The following PITPNA variants were observed in gnomAD, a reference collection of about 807,000 sequenced individuals.
The protein encoded by PITPNA is phosphatidylinositol transfer protein alpha isoform.
PITPNA carries 13 observed loss-of-function variants against 50.3 expected under a neutral mutation model. The observed-to-expected ratio is 0.26, with a 90% CI of 0.17 to 0.41. The LOEUF (loss-of-function observed/expected upper bound fraction) is 0.41, where lower values mean the gene tolerates loss of function less well. Ranked by LOEUF, PITPNA falls within the 10% of genes least tolerant of loss-of-function variation. PITPNA has a pLI of 1.00. For synonymous variants in PITPNA, 120 were observed against 119.6 expected (o/e 1.00, Z -0.02); for missense variants, 207 against 333.4 (o/e 0.62, Z 2.95).
At chr17:1,529,374 T>C (rs2075567939) in intron 10 of PITPNA, among the ~76,000 whole-genome samples, 1 of 151,228 alleles carries the variant, frequency 6.6e-6, no homozygotes, top group South Asian at 2.1e-4. Flanking sequence ...AATAGAAAAT[T>C]AGTGGCGTGT....
chr17:1,526,074 G>A (rs903342564), intron 10 of PITPNA, among the ~76,000 whole-genome samples: 1 of 152,178 alleles, frequency 6.6e-6, no homozygotes, highest in Non-Finnish European at 1.5e-5. Context: ...ACAGGGTCAT[G>A]AAAAAACAAG....
rs1450431791 is a variant in PITPNA at position 1,562,741 on chromosome 17, C to G, written c.-181G>C. The G allele has an allele frequency of 4.8e-6, 1 of 207,682 alleles. No homozygotes were observed. The highest frequency in any genetic ancestry group is 2.4e-5 in the African/African-American group (1 of 42,186). The allele number at this position is 207,682 out of a possible 1,614,324, so 12.9% of individuals were successfully genotyped here. A position where few individuals can be genotyped will look rare whatever the true frequency, so the allele number is the denominator to read the frequency against. ...GCTCCTGCCGCCCGGGCCTCGTCGC[C>G]TCTCGCGCCGCTGCCGACGCCGCCC... On this transcript the variant is annotated 5_prime_UTR_variant, in exon 1 of 12. Transcript: ENST00000313486. The surrounding 1 kb of genome is among the most constrained non-coding windows in gnomAD (Gnocchi z 6.4).
At chr17:1,533,325 C>T (rs2075595315) in intron 10 of PITPNA, among the ~76,000 whole-genome samples, 1 of 152,196 alleles carries the variant, frequency 6.6e-6, no homozygotes, top group African/African-American at 2.4e-5. Context: ...ATATCACCTG[C>T]AAGACGGTGT....
chr17:1,535,113 GA>G, intron 9 of PITPNA, 68 bp downstream of exon 9: 1 of 939,118 alleles, frequency 1.1e-6, no homozygotes, highest in Non-Finnish European at 1.7e-6. Flanking sequence ...CCTTATGGAT[GA>G]AGTTCTCCAC....
intron 10 of PITPNA, among the ~76,000 whole-genome samples, chr17:1,523,309 C>T (rs986827727): frequency 5.9e-5 from 9 of 152,138 alleles, no homozygotes; most frequent in African/African-American, 1.4e-4. Context: ...ATTTTGAGCA[C>T]CTAAGAGCAT....
intron 10 of PITPNA, among the ~76,000 whole-genome samples, chr17:1,522,441 T>C (rs1190644643): frequency 9.9e-5 from 15 of 151,980 alleles, no homozygotes; most frequent in Admixed American, 6.6e-4. Flanking sequence ...GGCGCAAAGT[T>C]GGCTTACTGC....
chr17:1,543,035 G>A lies in PITPNA; in HGVS notation c.290-8C>T, dbSNP rs376325141. ...CAATACTTACTGTAATAACTGCTCC[G>A]AGGCAAGGACATGGAAAGAAGAGAG... is the stretch of plus-strand genomic sequence containing the variant. On this transcript the variant is annotated splice_region_variant and splice_polypyrimidine_tract_variant and intron_variant, in intron 4 of 11. Transcript: ENST00000313486. 1.0e-5 allele frequency: 16 copies of A among 1,583,014 alleles called. No individual in the cohort carries two copies. The highest frequency in any genetic ancestry group is 8.5e-5 in the Admixed American group (5 of 58,914).
chr17:1,540,221 T>A (rs1242415604), intron 6 of PITPNA, among the ~76,000 whole-genome samples: 1 of 152,258 alleles, frequency 6.6e-6, no homozygotes, highest in Admixed American at 6.5e-5. Flanking sequence ...AGAGATGGCG[T>A]CTGTTTAGCA....
chr17:1,562,494 C>A lies in PITPNA; in HGVS notation c.20+47G>T. The A allele has an allele frequency of 7.6e-7, 1 of 1,320,618 alleles. No homozygotes were observed. Among genetic ancestry groups the A allele is most frequent in the Non-Finnish European group, 1.0e-6 (1 of 993,166 alleles). 81.8% of individuals were successfully genotyped at this position (1,320,618 alleles called of 1,614,324 possible). A position where few individuals can be genotyped will look rare whatever the true frequency, so the allele number is the denominator to read the frequency against. On this transcript the variant is annotated intron_variant, in intron 1 of 11. Coordinates refer to ENST00000313486, the MANE Select transcript of PITPNA (RefSeq NM_006224.4). The surrounding 1 kb of genome is among the most constrained non-coding windows in gnomAD (Gnocchi z 6.4). ...GCCGCGCCGTCGCCCCGGCGGCCGT[C>A]CCCACCCTCCCTCCTCCCCGCTTCC...
At chr17:1,555,161 C>G (rs530196404) in intron 2 of PITPNA, among the ~76,000 whole-genome samples, 1 of 152,304 alleles carries the variant, frequency 6.6e-6, no homozygotes, top group Admixed American at 6.5e-5. Context: ...AGTGGTACCA[C>G]TTGGGAAGGG....
Position 1,535,135 on chromosome 17 carries a change from C to T in PITPNA, c.645+47G>A, listed in dbSNP as rs376025665. 2.2e-5 allele frequency: 26 copies of T among 1,201,720 alleles called. No homozygotes were observed. In the African/African-American group the frequency reaches 3.7e-4, roughly 17 times the overall value. The allele number at this position is 1,201,720 out of a possible 1,614,324, so 74.4% of individuals were successfully genotyped here. Reference sequence around the variant, plus strand: ...GATGAAGTTCTCCACCACCCCCCCACAACACACACACGCAGTCACTGGGAA... The same window carrying T: ...GATGAAGTTCTCCACCACCCCCCCATAACACACACACGCAGTCACTGGGAA... On this transcript the variant is annotated intron_variant, in intron 9 of 11. Transcript: ENST00000313486.
chr17:1,535,108 T>C (rs948526212), intron 9 of PITPNA, 74 bp downstream of exon 9: 1 of 904,812 alleles, frequency 1.1e-6, no homozygotes, highest in Non-Finnish European at 1.8e-6. Flanking sequence ...ACTCACCTTA[T>C]GGATGAAGTT....
chr17:1,521,448 G>A (rs373901804), intron 11 of PITPNA, 131 bp downstream of exon 11: 33 of 685,762 alleles, frequency 4.8e-5, no homozygotes, highest in Middle Eastern at 4.8e-4. Context: ...GAGAGCTATC[G>A]AGCGTGGCAA....
chr17:1,534,376 G>C (rs1338682219), intron 9 of PITPNA, among the ~76,000 whole-genome samples, 155 bp from the exon 10 acceptor site: 1 of 152,094 alleles, frequency 6.6e-6, no homozygotes, highest in African/African-American at 2.4e-5. Flanking sequence ...ACCAGCCATG[G>C]GTCAATGACC....
rs758159456 is a variant in PITPNA, at chr17:1,547,196, C to CAA, written c.289+1098_289+1099dup. On this transcript the variant is annotated intron_variant, in intron 4 of 11. Coordinates refer to ENST00000313486, the MANE Select transcript of PITPNA (RefSeq NM_006224.4). ...GCAACATGGTGAGACCCCATCTCTC[C>CAA]AAAAAAAAAAAAAAAAAAACCTAGC... Among the ~76,000 whole-genome samples, 132 of 62,848 alleles carry CAA rather than the reference C, an allele frequency of 2.1e-3. 2 individuals carry two copies. Among genetic ancestry groups the CAA allele is most frequent in the Middle Eastern group, 0.011 (1 of 90 alleles). The allele number at this position is 62,848 out of a possible 152,430, so 41.2% of individuals were successfully genotyped here. A position where few individuals can be genotyped will look rare whatever the true frequency, so the allele number is the denominator to read the frequency against.
rs11329480 is a variant in PITPNA at position 1,525,504 on chromosome 17, C to CTTTT, written c.769-3863_769-3860dup. Reference sequence around the variant, plus strand: ...CTGGCAGTAGTTCTCCACTGGGAAACTTTTTTTTTTTTTTTTTTTTTTTTG... The same window carrying CTTTT: ...CTGGCAGTAGTTCTCCACTGGGAAACTTTTTTTTTTTTTTTTTTTTTTTTTTTTG... On this transcript the variant is annotated intron_variant, in intron 10 of 11. Transcript: ENST00000313486. Among the ~76,000 whole-genome samples the CTTTT allele has an allele frequency of 5.8e-3, 589 of 101,674 alleles. 8 individuals carry two copies. Among genetic ancestry groups the CTTTT allele is most frequent in the African/African-American group, 8.9e-3 (229 of 25,832 alleles). The allele number at this position is 101,674 out of a possible 152,430, so 66.7% of individuals were successfully genotyped here. A position where few individuals can be genotyped will look rare whatever the true frequency, so the allele number is the denominator to read the frequency against.
chr17:1,541,839 G>A (rs756029452), intron 5 of PITPNA, 199 bp from the exon 6 acceptor site: 22 of 676,756 alleles, frequency 3.3e-5, no homozygotes, highest in Non-Finnish European at 5.8e-5. Flanking sequence ...ACCCCAGCCT[G>A]AGAGCTCTGT....
At position 1,519,735 on chromosome 17, in the gene PITPNA, A is replaced by C. The variant is rs537348247; in HGVS notation, c.*826T>G. 6.6e-6 allele frequency: 1 copy of C among 152,512 alleles called. No individual in the cohort carries two copies. Among genetic ancestry groups the C allele is most frequent in the Non-Finnish European group, 1.5e-5 (1 of 68,080 alleles). The allele number at this position is 152,512 out of a possible 1,614,324, so 9.4% of individuals were successfully genotyped here. On this transcript the variant is annotated 3_prime_UTR_variant, in exon 12 of 12. Transcript: ENST00000313486. ...CTTACAGAGCTCCTCGGGGTCAGACAGTTGGTATCTAGGGGGTGACTCAAT... is the reference window on the plus strand; with the variant it reads ...CTTACAGAGCTCCTCGGGGTCAGACCGTTGGTATCTAGGGGGTGACTCAAT...
At position 1,553,197 on chromosome 17, in the gene PITPNA, G is replaced by A. The variant is rs138514362; in HGVS notation, c.52-48C>T. On this transcript the variant is annotated intron_variant, in intron 2 of 11. Transcript: ENST00000313486. ...ATTCTCAACACGGACCCTTCTCAAC[G>A]GTTACACGTAATCCAGCTGCCAGTA... 34 of 1,599,822 alleles carry A rather than the reference G, an allele frequency of 2.1e-5. No homozygotes were observed. In the East Asian group the frequency reaches 4.0e-4, roughly 19 times the overall value.
Sources: allele counts gnomAD v4.1 joint callset (sites outside exome capture counted in the v4.1 genomes callset), GRCh38; gene constraint gnomAD v4.1.1; non-coding constraint Gnocchi (gnomAD v3.1); transcripts MANE v1.5; gene names NCBI Gene and HGNC (gene_info 2026-07-23, HGNC 2026-07-21).